ERMARD: variants seen among roughly 807,000 people sequenced by gnomAD.
ERMARD encodes the protein endoplasmic reticulum membrane-associated RNA degradation protein.
A neutral mutation model predicts 83.9 loss-of-function variants in ERMARD; 71 were observed. The observed-to-expected ratio is 0.85, with a 90% CI of 0.70 to 1.03. The LOEUF is 1.03. ERMARD is among the 50% of genes least tolerant of loss of function. ERMARD has a pLI of 0.00. For synonymous variants in ERMARD, 284 were observed against 298.6 expected (o/e 0.95, Z 0.50); for missense variants, 838 against 810.9 (o/e 1.03, Z -0.41).
intron 9 of ERMARD, among the ~76,000 whole-genome samples, chr6:169,764,438 A>ATT (rs367715626): frequency 6.9e-6 from 1 of 144,998 alleles, no homozygotes; most frequent in Non-Finnish European, 1.5e-5. Context: ...TCATTTTTAC[A>ATT]TTTTTTTTTT....
intron 17 of ERMARD, among the ~76,000 whole-genome samples, chr6:169,780,628 G>C (rs978821329): frequency 6.6e-6 from 1 of 152,216 alleles, no homozygotes; most frequent in African/African-American, 2.4e-5. Context: ...AATTGGATGT[G>C]TGAGGAGGGG....
intron 8 of ERMARD, 72 bp downstream of exon 8, chr6:169,760,828 C>A (rs6459661): frequency 1.1e-5 from 12 of 1,049,102 alleles, no homozygotes; most frequent in Middle Eastern, 2.1e-4. Flanking sequence ...CCTTCACTTT[C>A]GATGCTTTTT....
At chr6:169,777,976 T>C (rs763593282) in intron 16 of ERMARD, among the ~76,000 whole-genome samples, 28 of 152,236 alleles carry the variant, frequency 1.8e-4, no homozygotes, top group Non-Finnish European at 3.7e-4. Flanking sequence ...CTGGAGCCTA[T>C]CCCGGCTGCT....
intron 12 of ERMARD, chr6:169,770,999 G>T (rs1792837120): frequency 6.6e-6 from 1 of 151,300 alleles, no homozygotes; most frequent in African/African-American, 2.4e-5. Context: ...ATTCTGAAAA[G>T]AATCTTTGCT....
chr6:169,773,503 CTT>C, intron 13 of ERMARD, 101 bp downstream of exon 13: 1 of 1,185,720 alleles, frequency 8.4e-7, no homozygotes, highest in South Asian at 1.3e-5. Flanking sequence ...CTGAGTCAGA[CTT>C]TGAGTTGGGC....
At position 169,756,375 on chromosome 6, in the gene ERMARD, A is replaced by G. The variant is rs17860634; in HGVS notation, c.353A>G (p.Gln118Arg). Residue 118 changes from glutamine to arginine, a missense_variant, in exon 4 of 18, where the codon CAA (glutamine) becomes CGA (arginine). Coordinates refer to ENST00000366773, the MANE Select transcript of ERMARD (RefSeq NM_018341.3). ...PEIFDALESL[Q>R]SPAISLSLMK... is the part of the protein sequence containing the mutation. ...ATATTTGATGCCTTGGAAAGTCTAC[A>G]ATCTCCTGCTATTTCTCTTAGCTTA... 449 of 1,611,746 alleles carry G rather than the reference A, an allele frequency of 2.8e-4. No individual in the cohort carries two copies. The highest frequency in any genetic ancestry group is 3.7e-4 in the Non-Finnish European group (437 of 1,179,238).
chr6:169,759,811 G>A, intron 6 of ERMARD, 27 bp from the exon 7 acceptor site: 1 of 1,585,360 alleles, frequency 6.3e-7, no homozygotes, highest in Non-Finnish European at 8.6e-7. Context: ...GTACATTTTT[G>A]TAACAGATCT....
chr6:169,773,140 T>G (rs1793172285), intron 12 of ERMARD, 179 bp from the exon 13 acceptor site: 1 of 537,614 alleles, frequency 1.9e-6, no homozygotes, highest in African/African-American at 1.9e-5. Context: ...ATCATTTTAT[T>G]GGCTGTCATT....
At chr6:169,755,242 A>G (rs1169983907) in intron 2 of ERMARD, 41 bp from the exon 3 acceptor site, 3 of 1,582,910 alleles carry the variant, frequency 1.9e-6, no homozygotes, top group Non-Finnish European at 2.6e-6. Context: ...ATCATGTGAT[A>G]TGGAGCTATG....
intron 9 of ERMARD, among the ~76,000 whole-genome samples, chr6:169,766,092 T>G (rs1441500945): frequency 6.6e-6 from 1 of 152,220 alleles, no homozygotes; most frequent in Non-Finnish European, 1.5e-5. Flanking sequence ...CATTCTTAAC[T>G]TCTCCTTTTG....
rs774380600 is a variant in ERMARD at position 169,779,143 on chromosome 6, C to T, written c.1740-39C>T. 32 of 1,534,250 alleles carry T rather than the reference C, an allele frequency of 2.1e-5. No homozygotes were observed. The Admixed American group carries it at 5.2e-4, about 25-fold the overall frequency. ...TCCTGATGAAGGTGGAAAATACCAA[C>T]ATATCCTCACATTTTAATTTACTTT... On this transcript the variant is annotated intron_variant, in intron 16 of 17. Coordinates refer to ENST00000366773, the MANE Select transcript of ERMARD (RefSeq NM_018341.3).
At chr6:169,775,844 G>A in intron 14 of ERMARD, 96 bp from the exon 15 acceptor site, 2 of 1,413,956 alleles carry the variant, frequency 1.4e-6, no homozygotes, top group South Asian at 1.4e-5. Flanking sequence ...TTCACAGTCA[G>A]GTCGCTGCTC....
rs762048103 is a variant in ERMARD at position 169,776,503 on chromosome 6, G to A, written c.1569G>A (p.Leu523=). 1 of 1,614,152 alleles carries A rather than the reference G, an allele frequency of 6.2e-7. No individual in the cohort carries two copies. Among genetic ancestry groups the A allele is most frequent in the Non-Finnish European group, 8.5e-7 (1 of 1,180,028 alleles). ...TCTGCAGCACACCTGTTCCCACCCT[G>A]TTCTGCCCCAGGATTGTGCTGGAAG... ...RELCSTPVPT[L]FCPRIVLEVL... Residue 523 remains leucine (L), a synonymous_variant, in exon 16 of 18, where the codon CTG becomes CTA. Coordinates refer to ENST00000366773, the MANE Select transcript of ERMARD (RefSeq NM_018341.3).
Position 169,760,064 on chromosome 6 carries a change from G to A in ERMARD, c.742+90G>A. The A allele has an allele frequency of 1.9e-6, 3 of 1,562,506 alleles. 1 individual carries two copies. In the South Asian group the frequency reaches 3.7e-5, roughly 19 times the overall value. On this transcript the variant is annotated intron_variant, in intron 7 of 17. Coordinates refer to ENST00000366773, the MANE Select transcript of ERMARD (RefSeq NM_018341.3). Reference sequence around the variant, plus strand: ...GCATTAAGAGGTGCACTCTTGAGGTGGGGTGAAGTAGTTGTTCTTCAGTAG... The same window carrying A: ...GCATTAAGAGGTGCACTCTTGAGGTAGGGTGAAGTAGTTGTTCTTCAGTAG...
chr6:169,779,391 T>A (rs1793952979), intron 17 of ERMARD, 96 bp downstream of exon 17: 1 of 1,086,284 alleles, frequency 9.2e-7, no homozygotes, highest in Admixed American at 1.8e-5. Context: ...TGAGTGACAC[T>A]ATCCCCTTGG....
At position 169,769,558 on chromosome 6, in the gene ERMARD, C is replaced by T; in HGVS notation, c.1078C>T (p.Leu360=). ...EPAMEFLWDF[L]NHQEGPRIRD... ...CTGAAAGGAATTTCTCTGGGATTTC[C>T]TGAACCATCAGGAGGGTCCCCGCAT... Residue 360 remains leucine, a synonymous_variant, in exon 12 of 18, where the codon CTG becomes TTG. Transcript: ENST00000366773. The T allele has an allele frequency of 1.9e-6, 3 of 1,596,544 alleles. No homozygotes were observed. The highest frequency in any genetic ancestry group is 2.6e-6 in the Non-Finnish European group (3 of 1,173,776).
chr6:169,775,240 C>T, intron 13 of ERMARD, 30 bp from the exon 14 acceptor site: 1 of 1,610,082 alleles, frequency 6.2e-7, no homozygotes, highest in Non-Finnish European at 8.5e-7. Context: ...ACTGTGAAAT[C>T]TACAAAAGCA....
chr6:169,769,827 A>G (rs1792681460), intron 12 of ERMARD, 114 bp downstream of exon 12: 1 of 963,140 alleles, frequency 1.0e-6, no homozygotes, highest in Non-Finnish European at 1.5e-6. Flanking sequence ...TCTGAGTTAC[A>G]GTATCCTCCA....
At chr6:169,774,312 C>T (rs73244819) in intron 13 of ERMARD, among the ~76,000 whole-genome samples, 9,021 of 152,236 alleles carry the variant, frequency 0.059, 490 homozygotes, top group East Asian at 0.16. Context: ...AGGTGTGGCT[C>T]GGAGGCAGAG....
Sources: allele counts gnomAD v4.1 joint callset (sites outside exome capture counted in the v4.1 genomes callset), GRCh38; gene constraint gnomAD v4.1.1; transcripts MANE v1.5; gene names NCBI Gene and HGNC (gene_info 2026-07-23, HGNC 2026-07-21).